SEMA6D: variants seen among roughly 807,000 people sequenced by gnomAD.
SEMA6D encodes semaphorin-6D.
In SEMA6D, 35 loss-of-function variants were observed where a neutral mutation model predicts 106.6. The ratio of observed to expected loss-of-function variants is 0.33; its 90% CI spans 0.25 to 0.44. The LOEUF (loss-of-function observed/expected upper bound fraction) is 0.44. Ranked by LOEUF, SEMA6D falls within the 20% of genes least tolerant of loss-of-function variation. SEMA6D has a pLI of 1.00. For synonymous variants in SEMA6D, 499 were observed against 487.7 expected (o/e 1.02, Z -0.31); for missense variants, 1,185 against 1,345.9 (o/e 0.88, Z 1.87).
chr15:47,460,954 C>A (rs2042488781), intron 2 of SEMA6D, among the ~76,000 whole-genome samples: 2 of 152,090 alleles, frequency 1.3e-5, no homozygotes, highest in South Asian at 4.1e-4. Context: ...GTCTGTGGCT[C>A]ACAAGTCCCC....
intron 1 of SEMA6D, among the ~76,000 whole-genome samples, chr15:47,231,504 A>G (rs951459153): frequency 6.6e-6 from 1 of 151,954 alleles, no homozygotes; most frequent in Non-Finnish European, 1.5e-5. Context: ...TTTCATCGCC[A>G]TTACTCCCAC....
chr15:47,236,176 A>G (rs896874842), intron 1 of SEMA6D, among the ~76,000 whole-genome samples: 1 of 152,146 alleles, frequency 6.6e-6, no homozygotes, highest in African/African-American at 2.4e-5. Flanking sequence ...CCAGATTTTT[A>G]AATTATTTTC....
intron 1 of SEMA6D, among the ~76,000 whole-genome samples, chr15:47,208,419 A>T (rs16959051): frequency 6.6e-6 from 1 of 152,292 alleles, no homozygotes; most frequent in East Asian, 1.9e-4. Flanking sequence ...ACCTGCTGAT[A>T]CAAGAGACCT....
At chr15:47,680,971 C>T (rs903735148) in intron 4 of SEMA6D, among the ~76,000 whole-genome samples, 1 of 152,082 alleles carries the variant, frequency 6.6e-6, no homozygotes, top group Non-Finnish European at 1.5e-5. Flanking sequence ...AATTGAAACT[C>T]GTCTGAACTG....
chr15:47,226,009 G>A (rs1485659794), intron 1 of SEMA6D, among the ~76,000 whole-genome samples: 2 of 152,078 alleles, frequency 1.3e-5, no homozygotes, highest in African/African-American at 4.8e-5. Flanking sequence ...ACTTGTGACT[G>A]TGATCTTGTT....
At chr15:47,492,057 G>T (rs921747786) in intron 3 of SEMA6D, among the ~76,000 whole-genome samples, 1 of 152,078 alleles carries the variant, frequency 6.6e-6, no homozygotes, top group African/African-American at 2.4e-5. Context: ...TCAAGAAGAT[G>T]GTAACTTCCC....
At chr15:47,754,070 C>A (rs2081586813) in intron 1 of SEMA6D, among the ~76,000 whole-genome samples, 1 of 152,098 alleles carries the variant, frequency 6.6e-6, no homozygotes, top group South Asian at 2.1e-4. Flanking sequence ...TCATTAATTT[C>A]AAATTTGGCT....
intron 4 of SEMA6D, among the ~76,000 whole-genome samples, chr15:47,706,091 G>A (rs1456621770): frequency 1.3e-5 from 2 of 152,220 alleles, no homozygotes; most frequent in African/African-American, 4.8e-5. Context: ...GGCCAGATCA[G>A]AAATTCAGTC....
At chr15:47,338,067 T>C (rs1277476404) in intron 1 of SEMA6D, among the ~76,000 whole-genome samples, 1 of 152,156 alleles carries the variant, frequency 6.6e-6, no homozygotes, top group East Asian at 1.9e-4. Flanking sequence ...AACCTTACGC[T>C]ATCTGAATGG....
intron 1 of SEMA6D, among the ~76,000 whole-genome samples, chr15:47,255,647 TCA>T (rs1215386468): frequency 1.3e-5 from 2 of 152,174 alleles, no homozygotes; most frequent in African/African-American, 4.8e-5. Context: ...TTTTATCCTC[TCA>T]GTGTGATTTT....
chr15:47,513,989 C>T (rs537026435), intron 3 of SEMA6D, among the ~76,000 whole-genome samples: 4 of 152,278 alleles, frequency 2.6e-5, no homozygotes, highest in East Asian at 1.9e-4. Flanking sequence ...GATGCAGCTC[C>T]GCCATAGAAA....
intron 1 of SEMA6D, among the ~76,000 whole-genome samples, chr15:47,292,652 C>T (rs910627716): frequency 1.3e-5 from 2 of 152,112 alleles, no homozygotes; most frequent in Non-Finnish European, 2.9e-5. Flanking sequence ...GTAAGGGATA[C>T]ACAGACAAAT....
At chr15:47,306,712 C>T (rs758319405) in intron 1 of SEMA6D, among the ~76,000 whole-genome samples, 7 of 152,208 alleles carry the variant, frequency 4.6e-5, no homozygotes, top group Non-Finnish European at 1.0e-4. Context: ...GAGACTCTGT[C>T]TCAAAATAAA....
At chr15:47,465,702 G>A (rs972601458) in intron 2 of SEMA6D, among the ~76,000 whole-genome samples, 2 of 152,090 alleles carry the variant, frequency 1.3e-5, no homozygotes, top group Admixed American at 6.6e-5. Context: ...CATGTAAGAT[G>A]TGCCTCCTTT....
At chr15:47,599,372 A>G (rs531126032) in intron 3 of SEMA6D, among the ~76,000 whole-genome samples, 2 of 152,000 alleles carry the variant, frequency 1.3e-5, no homozygotes, top group South Asian at 4.2e-4. Flanking sequence ...CAAACTTTCC[A>G]GAAAGTAGTT....
intron 1 of SEMA6D, among the ~76,000 whole-genome samples, chr15:47,296,619 A>G (rs1169053280): frequency 6.6e-6 from 1 of 152,226 alleles, no homozygotes; most frequent in Non-Finnish European, 1.5e-5. Flanking sequence ...GAAGAACCAG[A>G]TACACTGTTT....
At chr15:47,431,213 C>T (rs1036440852) in intron 2 of SEMA6D, among the ~76,000 whole-genome samples, 14 of 152,074 alleles carry the variant, frequency 9.2e-5, no homozygotes, top group African/African-American at 2.4e-4. Flanking sequence ...CTTAAGATTT[C>T]TCTTTGTAAT....
Position 47,486,835 on chromosome 15 carries a change from A to G in SEMA6D, c.-87+16290A>G, listed in dbSNP as rs1487949255. 2.0e-5 allele frequency among the ~76,000 whole-genome samples: 3 copies of G among 152,332 alleles called. No homozygotes were observed. In the East Asian group the frequency reaches 5.8e-4, roughly 29 times the overall value. On this transcript the variant is annotated intron_variant, in intron 3 of 19. Coordinates refer to the SEMA6D transcript ENST00000558014. ...TAATGCATGGTTTAAAAATTTCTTC[A>G]TAACTTTCCCCCATACATGCTTACC...
At chr15:47,631,594 G>T (rs903080878) in intron 4 of SEMA6D, among the ~76,000 whole-genome samples, 1 of 151,618 alleles carries the variant, frequency 6.6e-6, no homozygotes, top group Non-Finnish European at 1.5e-5. Flanking sequence ...AGGAAGGAGG[G>T]GGAAGATTTG....
Sources: gnomAD v4.1 joint callset for allele counts (sites outside exome capture counted in the v4.1 genomes callset) on GRCh38, gnomAD v4.1.1 for gene constraint, MANE v1.5 for transcripts, NCBI Gene and HGNC (gene_info 2026-07-23, HGNC 2026-07-21) for gene names.